The following CEP131 variants were observed in gnomAD, a reference collection of about 807,000 sequenced individuals.
CEP131 encodes the protein centrosomal protein of 131 kDa.
Under a neutral mutation model 136.8 loss-of-function variants are expected in CEP131, and 99 were observed. The ratio of observed to expected loss-of-function variants is 0.72; its 90% confidence interval spans 0.62 to 0.86. The LOEUF is 0.86. CEP131 is among the 40% of genes least tolerant of loss of function. CEP131 has a pLI of 0.00. For missense variants in CEP131, 1,459 were observed against 1,463.0 expected (o/e 1.00, Z 0.04); for synonymous variants, 646 against 612.7 (o/e 1.05, Z -0.80).
chr17:81,218,089 C>T (rs959306169), intron 2 of CEP131, among the ~76,000 whole-genome samples: 1 of 150,662 alleles, frequency 6.6e-6, no homozygotes, highest in African/African-American at 2.5e-5. Flanking sequence ...TTCGCCCAGG[C>T]TGGAGTACAG....
In CEP131 at chr17:81,206,764, G is replaced by A. The variant is rs374943828; in HGVS notation, c.495C>T (p.Pro165=). ...RRKECTVALA[P]NFTANNRSNK... ...CGTACCTGTTGTTAGCAGTGAAGTT[G>A]GGGGCCAGGGCCACGGTGCATTCTT... Residue 165 remains proline, a synonymous_variant, in exon 5 of 26, where the codon CCC becomes CCT. Coordinates refer to ENST00000450824, the MANE Select transcript of CEP131 (RefSeq NM_014984.4). The A allele has an allele frequency of 1.4e-4, 230 of 1,613,860 alleles. No individual in the cohort carries two copies. The African/African-American group carries it at 2.8e-3, about 20-fold the overall frequency.
Position 81,202,272 on chromosome 17 carries a change from C to T in CEP131, c.756G>A (p.Arg252=). ...NNTGGSTGLP[R]RKEVTEEEAE... ...CCTCCTCCTCCGTCACCTCCTTCCG[C>T]CTGGGCAAGCCCGTGCTGCCCCCAG... Residue 252 remains arginine, a synonymous_variant, in exon 7 of 26, where the codon AGG becomes AGA. Coordinates refer to ENST00000450824, the MANE Select transcript of CEP131 (RefSeq NM_014984.4). The T allele has an allele frequency of 6.2e-7, 1 of 1,611,672 alleles. No homozygotes were observed. The highest frequency in any genetic ancestry group is 8.5e-7 in the Non-Finnish European group (1 of 1,179,016).
intron 23 of CEP131, 44 bp from the exon 24 acceptor site, chr17:81,190,846 C>G: frequency 6.3e-7 from 1 of 1,591,098 alleles, no homozygotes; most frequent in Non-Finnish European, 8.6e-7. Context: ...CAGCGACTGG[C>G]TGCGTGCATG....
chr17:81,202,524 C>CA, intron 6 of CEP131, 126 bp from the exon 7 acceptor site: 2 of 1,190,622 alleles, frequency 1.7e-6, no homozygotes, highest in Non-Finnish European at 1.2e-6. Context: ...AGGCTGGCAG[C>CA]CGGGGCAGAG....
At chr17:81,198,051 C>T (rs1458465735) in intron 12 of CEP131, 64 bp downstream of exon 12, 16 of 1,495,470 alleles carry the variant, frequency 1.1e-5, no homozygotes, top group Middle Eastern at 2.2e-4. Flanking sequence ...CCACAGCCAC[C>T]GCATGCTCTG....
Position 81,208,626 on chromosome 17 carries a change from G to A in CEP131, c.272+302C>T, listed in dbSNP as rs370247829. 3.3e-3 allele frequency among the ~76,000 whole-genome samples: 503 copies of A among 152,356 alleles called. 1 individual carries two copies. Among genetic ancestry groups the A allele is most frequent in the African/African-American group, 0.011 (468 of 41,570 alleles). ...AATGACAGCTTTTGACATTCAGAGG[G>A]CAGGTGGAAAGGGCTTCAGCGGAGC... On this transcript the variant is annotated intron_variant, in intron 3 of 25. Transcript: ENST00000450824. This position sits in a 1 kb window ranked among gnomAD's most constrained non-coding sequence, Gnocchi z 5.6.
Position 81,194,989 on chromosome 17 carries a change from G to A in CEP131, c.2017-17C>T. ...TTTAATCTCCTACGAGCAGAACAGG[G>A]CAGGAGGAAACGACACGAAGGACAC... On this transcript the variant is annotated splice_polypyrimidine_tract_variant and intron_variant, in intron 16 of 25. Transcript: ENST00000450824. 6.2e-7 allele frequency: 1 copy of A among 1,600,016 alleles called. No homozygotes were observed. Among genetic ancestry groups the A allele is most frequent in the Non-Finnish European group, 8.5e-7 (1 of 1,172,746 alleles).
Position 81,208,876 on chromosome 17 carries a change from C to A in CEP131, c.272+52G>T. 4 of 1,423,768 alleles carry A rather than the reference C, an allele frequency of 2.8e-6. No individual in the cohort carries two copies. The highest frequency in any genetic ancestry group is 3.9e-6 in the Non-Finnish European group (4 of 1,014,670). 88.2% of individuals were successfully genotyped at this position (1,423,768 alleles called of 1,614,324 possible). ...CAGGGAGGAGCAGGCCAGGGTGGGGCACCTGAGGTCCCGGGAAGGGGCCAG... is the reference window on the plus strand; with the variant it reads ...CAGGGAGGAGCAGGCCAGGGTGGGGAACCTGAGGTCCCGGGAAGGGGCCAG... On this transcript the variant is annotated intron_variant, in intron 3 of 25. Transcript: ENST00000450824. This position sits in a 1 kb window ranked among gnomAD's most constrained non-coding sequence, Gnocchi z 5.6.
chr17:81,199,616 G>T (rs2061844849), intron 9 of CEP131, 67 bp from the exon 10 acceptor site: 1 of 1,592,626 alleles, frequency 6.3e-7, no homozygotes, highest in Non-Finnish European at 8.5e-7. Flanking sequence ...CAGCCAAGCT[G>T]CCCTGAGGCT....
intron 10 of CEP131, among the ~76,000 whole-genome samples, 182 bp from the exon 11 acceptor site, chr17:81,199,153 C>T (rs1352119003): frequency 6.6e-6 from 1 of 152,178 alleles, no homozygotes; most frequent in Non-Finnish European, 1.5e-5. Context: ...CCACCCCTCC[C>T]TTCCGGGCCT....
intron 1 of CEP131, among the ~76,000 whole-genome samples, chr17:81,222,462 C>T (rs1475886118): frequency 1.3e-5 from 2 of 152,182 alleles, no homozygotes; most frequent in African/African-American, 4.8e-5. Context: ...TCCTGGGGAC[C>T]GGAGGGGAGT....
chr17:81,192,877 G>A (rs376107232), intron 18 of CEP131, 34 bp from the exon 19 acceptor site: 40 of 1,579,364 alleles, frequency 2.5e-5, no homozygotes, highest in Middle Eastern at 4.0e-4. Flanking sequence ...CTCGGGGGCC[G>A]GGACGGGCGG....
chr17:81,208,907 T>C lies in CEP131; in HGVS notation c.272+21A>G. 3 of 1,602,788 alleles carry C rather than the reference T, an allele frequency of 1.9e-6. No homozygotes were observed. Among genetic ancestry groups the C allele is most frequent in the Non-Finnish European group, 2.6e-6 (3 of 1,171,074 alleles). On this transcript the variant is annotated intron_variant, in intron 3 of 25. Transcript: ENST00000450824. This position sits in a 1 kb window ranked among gnomAD's most constrained non-coding sequence, Gnocchi z 5.6. ...AGGTCCCGGGAAGGGGCCAGGGTTATCCAAGGGCCTTAGGGGTTACCTGGG... is the reference window on the plus strand; with the variant it reads ...AGGTCCCGGGAAGGGGCCAGGGTTACCCAAGGGCCTTAGGGGTTACCTGGG...
rs1459607229 is a variant in CEP131 at position 81,215,635 on chromosome 17, C to T, written c.177+4245G>A. ...CCGTGTTGGCCAGGCTGGTCTCGAA[C>T]TCCTGACCTCAAGCAATCTGCCCAC... On this transcript the variant is annotated intron_variant, in intron 2 of 25. Coordinates refer to ENST00000450824, the MANE Select transcript of CEP131 (RefSeq NM_014984.4). This position sits in a 1 kb window ranked among gnomAD's most constrained non-coding sequence, Gnocchi z 4.1. 6.6e-6 allele frequency among the ~76,000 whole-genome samples: 1 copy of T among 151,724 alleles called. No homozygotes were observed. The highest frequency in any genetic ancestry group is 1.9e-4 in the East Asian group (1 of 5,140).
At chr17:81,220,196 CACA>C in intron 1 of CEP131, 123 bp from the exon 2 acceptor site, 1 of 759,590 alleles carries the variant, frequency 1.3e-6, no homozygotes, top group Non-Finnish European at 1.9e-6. Context: ...GAAGGCCTGT[CACA>C]ACCTATGCAC....
chr17:81,194,901 T>A lies in CEP131; in HGVS notation c.2088A>T (p.Lys696Asn), dbSNP rs1313104809. 6.2e-7 allele frequency: 1 copy of A among 1,613,366 alleles called. No homozygotes were observed. The highest frequency in any genetic ancestry group is 2.2e-5 in the East Asian group (1 of 44,856). ...KARREKWISE[K>N]TKKIKEVTVR... is the part of the protein sequence containing the mutation. ...CAGTGACCTCCTTGATCTTCTTGGT[T>A]TTCTCACTGATCCACTTCTCCCGGC... The change falls in exon 17 of 26, where the codon AAA (lysine) becomes AAT (asparagine). Residue 696 changes from lysine to asparagine, a missense_variant. Transcript: ENST00000450824.
rs772309586 is a variant in CEP131, at chr17:81,189,982, G to A, written c.3108-7C>T. On this transcript the variant is annotated splice_region_variant and splice_polypyrimidine_tract_variant and intron_variant, in intron 24 of 25. Transcript: ENST00000450824. ...CGCGAGGGCTGTCTTCACCCTGTGG[G>A]TAGTACATGGTAGGCTTCAGTGTGG... The A allele has an allele frequency of 1.6e-5, 25 of 1,599,928 alleles. No individual in the cohort carries two copies. The highest frequency in any genetic ancestry group is 2.1e-5 in the Non-Finnish European group (24 of 1,170,356).
chr17:81,198,390 C>T lies in CEP131; in HGVS notation c.1288-93G>A, dbSNP rs1171871398. 2.4e-5 allele frequency: 31 copies of T among 1,311,330 alleles called. No individual in the cohort carries two copies. In the South Asian group the frequency reaches 2.8e-4, roughly 12 times the overall value. 81.2% of individuals were successfully genotyped at this position (1,311,330 alleles called of 1,614,324 possible). ...GCCAACCGCAGAGCCCCAAAGGCGC[C>T]GCGGGAGCTCCCCAGTCCCGACATT... On this transcript the variant is annotated intron_variant, in intron 11 of 25. Transcript: ENST00000450824.
Position 81,203,663 on chromosome 17 carries a change from A to T in CEP131, c.516-56T>A, listed in dbSNP as rs1449189343. The T allele has an allele frequency of 2.2e-6, 3 of 1,365,696 alleles. No homozygotes were observed. The highest frequency in any genetic ancestry group is 3.0e-6 in the Non-Finnish European group (3 of 986,594). The allele number at this position is 1,365,696 out of a possible 1,614,324, so 84.6% of individuals were successfully genotyped here. ...CAGGCCTCTGGAGGGGACGCCTGAGATCTCAGAGCTACACTCGCAGCACGG... is the reference window on the plus strand; with the variant it reads ...CAGGCCTCTGGAGGGGACGCCTGAGTTCTCAGAGCTACACTCGCAGCACGG... On this transcript the variant is annotated intron_variant, in intron 5 of 25. Transcript: ENST00000450824. The surrounding 1 kb of genome is among the most constrained non-coding windows in gnomAD (Gnocchi z 4.6).
Sources: gnomAD v4.1 joint callset for allele counts (sites outside exome capture counted in the v4.1 genomes callset) on GRCh38, gnomAD v4.1.1 for gene constraint, Gnocchi (gnomAD v3.1) non-coding constraint, MANE v1.5 for transcripts, NCBI Gene and HGNC (gene_info 2026-07-23, HGNC 2026-07-21) for gene names.